C2orf66: variants seen among roughly 807,000 people sequenced by gnomAD.
C2orf66 encodes uncharacterized protein C2orf66.
In C2orf66, 6 loss-of-function variants were observed where a neutral mutation model predicts 7.0. That is an observed-to-expected ratio of 0.86 (90% CI 0.47 to 1.69). C2orf66 has a LOEUF of 1.69. Ranked by LOEUF, C2orf66 falls within the 40% of genes most tolerant of loss-of-function variation. C2orf66 has a pLI of 0.01. For synonymous variants in C2orf66, 38 were observed against 43.8 expected (o/e 0.87, Z 0.52); for missense variants, 107 against 112.0 (o/e 0.96, Z 0.20).
the C2orf66 span, among the ~76,000 whole-genome samples, chr2:196,817,665 C>T: frequency 6.6e-6 from 1 of 152,104 alleles, no homozygotes; most frequent in African/African-American, 2.4e-5. Context: ...CTGCAGGAGA[C>T]CAGGGGGTAT....
chr2:196,809,740 AAAAAG>A (rs746147828), upstream of C2orf66: 28 of 165,556 alleles, frequency 1.7e-4, no homozygotes, highest in Non-Finnish European at 3.1e-4. Context: ...AGTCTTTAAA[AAAAAG>A]AAAAGAAAAA....
chr2:196,817,689 T>G, the C2orf66 span, among the ~76,000 whole-genome samples: 1 of 152,110 alleles, frequency 6.6e-6, no homozygotes, highest in African/African-American at 2.4e-5. Context: ...AGTCCTTATC[T>G]CAACTGCATA....
At chr2:196,807,728 C>A in intron 1 of C2orf66, 106 bp from the exon 2 acceptor site, 1 of 884,996 alleles carries the variant, frequency 1.1e-6, no homozygotes, top group Non-Finnish European at 1.8e-6. Context: ...TAAGGCTAAT[C>A]TAAGAGGCAG....
the C2orf66 span, among the ~76,000 whole-genome samples, chr2:196,829,846 G>A: frequency 6.6e-6 from 1 of 150,454 alleles, no homozygotes; most frequent in Admixed American, 6.6e-5. Flanking sequence ...TCAGTGAGCC[G>A]AGATCACGCC....
At chr2:196,828,230 TCACA>T in the C2orf66 span, among the ~76,000 whole-genome samples, 9,658 of 124,958 alleles carry the variant, frequency 0.077, 716 homozygotes, top group African/African-American at 0.21. Flanking sequence ...TCTCTCTCTC[TCACA>T]CACACACACA....
chr2:196,811,399 A>G (rs575039116), upstream of C2orf66, among the ~76,000 whole-genome samples: 2 of 152,318 alleles, frequency 1.3e-5, no homozygotes, highest in East Asian at 1.9e-4. Context: ...CCAGGCAGGA[A>G]AAGATGTTAA....
the C2orf66 span, among the ~76,000 whole-genome samples, chr2:196,823,766 T>A: frequency 2.0e-5 from 3 of 152,212 alleles, no homozygotes; most frequent in African/African-American, 7.2e-5. Flanking sequence ...AAAGCACCTA[T>A]CATTCTTGAG....
At chr2:196,806,080 A>T (rs970120287) in intron 2 of C2orf66, among the ~76,000 whole-genome samples, 19 of 152,194 alleles carry the variant, frequency 1.2e-4, no homozygotes, top group Non-Finnish European at 4.4e-5. Flanking sequence ...AGAATTTCAA[A>T]ATTACACTTG....
intron 2 of C2orf66, among the ~76,000 whole-genome samples, chr2:196,807,168 G>A (rs1358093613): frequency 6.6e-6 from 1 of 152,094 alleles, no homozygotes; most frequent in Non-Finnish European, 1.5e-5. Context: ...CCTATTAAGA[G>A]ATAATTCTAT....
upstream of C2orf66, among the ~76,000 whole-genome samples, chr2:196,813,093 A>G (rs944876838): frequency 6.6e-5 from 10 of 152,180 alleles, no homozygotes; most frequent in African/African-American, 2.4e-4. Flanking sequence ...TAAATTTCAT[A>G]TGGAACCAAA....
chr2:196,823,325 G>A, the C2orf66 span, among the ~76,000 whole-genome samples: 252 of 152,142 alleles, frequency 1.7e-3, no homozygotes, highest in Non-Finnish European at 3.1e-3. Flanking sequence ...ATTAGGGAGG[G>A]AGAGAAATTA....
chr2:196,806,849 C>G (rs1699825716), intron 2 of C2orf66, among the ~76,000 whole-genome samples: 1 of 152,016 alleles, frequency 6.6e-6, no homozygotes, highest in African/African-American at 2.4e-5. Context: ...CAGTGAGACT[C>G]TACCTCAACA....
chr2:196,805,747 G>T (rs1052762558), intron 2 of C2orf66, among the ~76,000 whole-genome samples: 1 of 152,020 alleles, frequency 6.6e-6, no homozygotes, highest in Non-Finnish European at 1.5e-5. Context: ...ACTAGTATCT[G>T]CAATTTACAG....
chr2:196,824,442 T>C, the C2orf66 span, among the ~76,000 whole-genome samples: 192 of 152,320 alleles, frequency 1.3e-3, no homozygotes, highest in African/African-American at 4.3e-3. Context: ...CTTACCTCTT[T>C]TAGTTTTCTT....
At chr2:196,829,959 C>A in the C2orf66 span, among the ~76,000 whole-genome samples, 1 of 152,102 alleles carries the variant, frequency 6.6e-6, no homozygotes, top group Non-Finnish European at 1.5e-5. Context: ...CCATACACAA[C>A]ATTAGGACAG....
chr2:196,828,419 T>G, the C2orf66 span, among the ~76,000 whole-genome samples: 1 of 152,178 alleles, frequency 6.6e-6, no homozygotes, highest in African/African-American at 2.4e-5. Flanking sequence ...AGTATAGCAA[T>G]TATGAAAAAA....
the C2orf66 span, among the ~76,000 whole-genome samples, chr2:196,822,952 CA>C: frequency 2.1e-5 from 3 of 144,418 alleles, no homozygotes; most frequent in South Asian, 2.2e-4. Flanking sequence ...TACCCTAAAA[CA>C]AAAAAGAATC....
chr2:196,825,602 G>A, the C2orf66 span, among the ~76,000 whole-genome samples: 46 of 152,260 alleles, frequency 3.0e-4, no homozygotes, highest in East Asian at 8.1e-3. Flanking sequence ...TAAAGCTATT[G>A]GAGGGGGAGA....
chr2:196,826,049 T>C, the C2orf66 span, among the ~76,000 whole-genome samples: 258 of 152,258 alleles, frequency 1.7e-3, 1 homozygote, highest in African/African-American at 6.0e-3. Flanking sequence ...CAAGAAACCA[T>C]AGGTTGAATA....
Sources: gnomAD v4.1 joint callset for allele counts (sites outside exome capture counted in the v4.1 genomes callset) on GRCh38, gnomAD v4.1.1 for gene constraint, MANE v1.5 for transcripts, NCBI Gene and HGNC (gene_info 2026-07-23, HGNC 2026-07-21) for gene names.